The following ARPP21 variants were observed in gnomAD, a reference collection of about 807,000 sequenced individuals.
ARPP21 encodes cAMP regulated phosphoprotein 21, also known as cAMP-regulated phosphoprotein 21.
Under a neutral mutation model 113.2 loss-of-function variants are expected in ARPP21, and 69 were observed. The ratio of observed to expected loss-of-function variants is 0.61; its 90% CI spans 0.50 to 0.74. ARPP21 has a LOEUF of 0.74. Ranked by LOEUF, ARPP21 falls within the 30% of genes least tolerant of loss-of-function variation. The pLI, the probability that ARPP21 is intolerant of heterozygous loss-of-function variation, is 0.00. For missense variants in ARPP21, 1,070 were observed against 1,037.4 expected, an observed-to-expected ratio of 1.03 and a Z score of -0.43; for synonymous variants, 368 against 375.5, an observed-to-expected ratio of 0.98 and a Z score of 0.23.
At position 35,690,914 on chromosome 3, in the gene ARPP21, G is replaced by C. The variant is rs1444389653; in HGVS notation, c.595G>C (p.Val199Leu). The change falls in exon 9 of 21, where the codon GTC (valine) becomes CTC (leucine). Residue 199 changes from valine to leucine, a missense_variant. Coordinates refer to ENST00000684406, the MANE Select transcript of ARPP21 (RefSeq NM_001385562.1). ...GATGTCATCGTATCAGAGGATGCTT[G>C]TCCATCGAGTGGCAGCTTATTTTGG... ...PQMSSYQRMLVHRVAAYFGLD... is the reference protein window; with the variant it reads ...PQMSSYQRMLLHRVAAYFGLD... The C allele has an allele frequency of 1.2e-6, 2 of 1,610,744 alleles. No homozygotes were observed. The highest frequency in any genetic ancestry group is 4.5e-5 in the East Asian group (2 of 44,728).
At chr3:35,645,466 T>C (rs1265346032) in intron 1 of ARPP21, among the ~76,000 whole-genome samples, 2 of 151,964 alleles carry the variant, frequency 1.3e-5, no homozygotes, top group Non-Finnish European at 2.9e-5. Context: ...TTATGGGTAA[T>C]GTTTCTATGA....
At chr3:35,701,264 A>G (rs1379988183) in intron 9 of ARPP21, among the ~76,000 whole-genome samples, 1 of 151,756 alleles carries the variant, frequency 6.6e-6, no homozygotes, top group Non-Finnish European at 1.5e-5. Context: ...TTTAGAATAT[A>G]TGTGTGCAGT....
intron 19 of ARPP21, among the ~76,000 whole-genome samples, chr3:35,777,119 G>A (rs2096394872): frequency 6.6e-6 from 1 of 152,124 alleles, no homozygotes; most frequent in Admixed American, 6.6e-5. Context: ...CAGGAATAGT[G>A]TGTGTGTGCC....
chr3:35,722,681 A>C (rs1487176519), intron 14 of ARPP21, among the ~76,000 whole-genome samples: 1 of 152,202 alleles, frequency 6.6e-6, no homozygotes, highest in East Asian at 1.9e-4. Flanking sequence ...AGTTTGCATG[A>C]ACAGTCTTTG....
intron 19 of ARPP21, among the ~76,000 whole-genome samples, chr3:35,772,366 G>T (rs1472103819): frequency 6.6e-6 from 1 of 152,178 alleles, no homozygotes; most frequent in African/African-American, 2.4e-5. Context: ...ATCTTAAACA[G>T]ATCCAGTTTA....
At chr3:35,748,472 G>A (rs903711311) in intron 19 of ARPP21, among the ~76,000 whole-genome samples, 21 of 149,924 alleles carry the variant, frequency 1.4e-4, no homozygotes, top group Admixed American at 1.3e-3. Context: ...GAAAGAGAGA[G>A]AGGGAGAGAG....
At chr3:35,668,011 GAAGAAGAAGAAGA>G (rs1559549977) in intron 1 of ARPP21, among the ~76,000 whole-genome samples, 1 of 149,984 alleles carries the variant, frequency 6.7e-6, no homozygotes, top group Non-Finnish European at 1.5e-5. Context: ...AGAAGAAGAA[GAAGAAGAAGAAGA>G]AGAAGAAGGA....
chr3:35,753,106 A>G (rs1289001448), intron 19 of ARPP21, among the ~76,000 whole-genome samples: 1 of 150,422 alleles, frequency 6.6e-6, no homozygotes, highest in African/African-American at 2.4e-5. Context: ...GAGAATATTC[A>G]TTTTAGCCAG....
chr3:35,721,829 A>G lies in ARPP21; in HGVS notation c.1220A>G (p.Lys407Arg). 1 of 1,599,758 alleles carries G rather than the reference A, an allele frequency of 6.3e-7. No individual in the cohort carries two copies. Among genetic ancestry groups the G allele is most frequent in the Non-Finnish European group, 8.5e-7 (1 of 1,171,644 alleles). Residue 407 changes from lysine to arginine, a missense_variant, in exon 14 of 21, where the codon AAA (lysine) becomes AGA (arginine). Lys to Arg is a conservative substitution (Grantham distance 26, BLOSUM62 2). Coordinates refer to ENST00000684406, the MANE Select transcript of ARPP21 (RefSeq NM_001385562.1). ...SSTRSTGKLS[K>R]AGSESSSSAG... ...ACTAGGAGTACCGGGAAGCTGTCCA[A>G]AGCAGGTAGTTAGTACTGAATGTGT...
rs10706706 is a variant in ARPP21, at chr3:35,753,965, GTT to G, written c.2137+10016_2137+10017del. 8.2e-3 allele frequency among the ~76,000 whole-genome samples: 1,078 copies of G among 132,054 alleles called. 14 individuals are homozygous for G. The highest frequency in any genetic ancestry group is 0.019 in the African/African-American group (690 of 35,814). The allele number at this position is 132,054 out of a possible 152,430, so 86.6% of individuals were successfully genotyped here. The stretch of plus-strand genomic sequence containing the variant: ...TGTAATTGTCAATGTAATTGAGAAG[GTT>G]TTTTTTTTTTTTTTTCAAATATCGC... On this transcript the variant is annotated intron_variant, in intron 19 of 20. Transcript: ENST00000684406.
intron 1 of ARPP21, among the ~76,000 whole-genome samples, chr3:35,644,795 G>T (rs1699553995): frequency 6.6e-6 from 1 of 152,014 alleles, no homozygotes. Context: ...GGAATTGCCA[G>T]GTGGAGAGAA....
chr3:35,671,607 T>C (rs2076362910), intron 1 of ARPP21, among the ~76,000 whole-genome samples: 2 of 152,050 alleles, frequency 1.3e-5, no homozygotes, highest in Admixed American at 6.6e-5. Context: ...AGCAGGCACA[T>C]GTGATGAGAA....
At position 35,793,736 on chromosome 3, in the gene ARPP21, G is replaced by A. The variant is rs756801124; in HGVS notation, c.2322G>A (p.Gln774=). The A allele has an allele frequency of 1.2e-6, 2 of 1,613,804 alleles. No individual in the cohort carries two copies. Among genetic ancestry groups the A allele is most frequent in the Admixed American group, 1.7e-5 (1 of 60,006 alleles). The change falls in exon 21 of 21, where the codon CAG becomes CAA. Residue 774 remains glutamine (Q), a synonymous_variant. Transcript: ENST00000684406. The part of the protein sequence containing the change: ...PMTQGSQGLP[Q]QSYQQPIMLP... ...CCCAGGGTTCTCAAGGACTGCCCCA[G>A]CAGTCATACCAACAGCCAATCATGC... is the stretch of plus-strand genomic sequence containing the variant.
At chr3:35,741,067 A>G (rs1196535245) in intron 18 of ARPP21, among the ~76,000 whole-genome samples, 2 of 152,236 alleles carry the variant, frequency 1.3e-5, no homozygotes, top group East Asian at 3.9e-4. Flanking sequence ...ATATCTCTAC[A>G]CTCCAGCCTA....
intron 1 of ARPP21, among the ~76,000 whole-genome samples, chr3:35,665,521 A>G (rs1237013901): frequency 6.6e-6 from 1 of 152,170 alleles, no homozygotes; most frequent in African/African-American, 2.4e-5. Flanking sequence ...TCTACATTGA[A>G]GTAGTTAATA....
intron 1 of ARPP21, among the ~76,000 whole-genome samples, chr3:35,663,108 A>G (rs996023110): frequency 6.6e-6 from 1 of 152,178 alleles, no homozygotes; most frequent in Non-Finnish European, 1.5e-5. Context: ...TGCATGTTGT[A>G]GCATTTCTCA....
rs140956416 is a variant in ARPP21 at position 35,743,169 on chromosome 3, G to A, written c.2011-670G>A. 6.4e-3 allele frequency among the ~76,000 whole-genome samples: 977 copies of A among 152,130 alleles called. 12 individuals are homozygous for A. Among genetic ancestry groups the A allele is most frequent in the African/African-American group, 0.022 (932 of 41,508 alleles). On this transcript the variant is annotated intron_variant, in intron 18 of 20. Coordinates refer to ENST00000684406, the MANE Select transcript of ARPP21 (RefSeq NM_001385562.1). ...TGATTGCATTCTCTGCTCCTTTTAG[G>A]CTACAGATCAGCAGTTTTCATGTTT...
At chr3:35,698,868 A>G (rs1003961676) in intron 9 of ARPP21, among the ~76,000 whole-genome samples, 6 of 151,664 alleles carry the variant, frequency 4.0e-5, no homozygotes, top group Non-Finnish European at 7.4e-5. Flanking sequence ...TATGATGCCA[A>G]AAAAAAGTCT....
In ARPP21 at chr3:35,681,095, C is replaced by T. The variant is rs867649449; in HGVS notation, c.-38-619C>T. On this transcript the variant is annotated intron_variant, in intron 2 of 20. Coordinates refer to ENST00000684406, the MANE Select transcript of ARPP21 (RefSeq NM_001385562.1). The stretch of plus-strand genomic sequence containing the variant: ...AGCAACTGACAGGAGCTTGGGAGCT[C>T]GGGAGCTTGGGAGAGGGCTTATGTT... 7 of 151,810 alleles carry T rather than the reference C, an allele frequency of 4.6e-5. No homozygotes were observed. The East Asian group carries it at 7.8e-4, about 17-fold the overall frequency. 9.4% of individuals were successfully genotyped at this position (151,810 alleles called of 1,614,324 possible). A position where few individuals can be genotyped will look rare whatever the true frequency, so the allele number is the denominator to read the frequency against.
Sources: gnomAD v4.1 joint callset for allele counts (sites outside exome capture counted in the v4.1 genomes callset) on GRCh38, gnomAD v4.1.1 for gene constraint, MANE v1.5 for transcripts, NCBI Gene and HGNC (gene_info 2026-07-23, HGNC 2026-07-21) for gene names.